SLC25A21: variants seen among roughly 807,000 people sequenced by gnomAD.
SLC25A21 encodes solute carrier family 25 member 21.
In SLC25A21, 47 loss-of-function variants were observed where a neutral mutation model predicts 43.8. The observed-to-expected ratio is 1.07, with a 90% CI of 0.85 to 1.37. The LOEUF (loss-of-function observed/expected upper bound fraction) is 1.37. SLC25A21 is among the 40% of genes most tolerant of loss of function. The pLI is 0.00. For missense variants in SLC25A21, 352 were observed against 350.2 expected (o/e 1.00, Z -0.04); for synonymous variants, 131 against 121.3 (o/e 1.08, Z -0.52).
At chr14:36,936,839 T>C (rs1428467090) in intron 1 of SLC25A21, among the ~76,000 whole-genome samples, 1 of 152,172 alleles carries the variant, frequency 6.6e-6, no homozygotes, top group African/African-American at 2.4e-5. Context: ...TTGATATTCA[T>C]TGAGAAACAT....
At chr14:36,685,005 T>G in intron 7 of SLC25A21, 80 bp from the exon 8 acceptor site, 4 of 1,151,372 alleles carry the variant, frequency 3.5e-6, no homozygotes, top group Non-Finnish European at 4.9e-6. Flanking sequence ...GCAATATGTA[T>G]TTAAGCAGAG....
intron 2 of SLC25A21, among the ~76,000 whole-genome samples, chr14:36,819,893 C>T (rs950378074): frequency 6.6e-6 from 1 of 152,142 alleles, no homozygotes; most frequent in Non-Finnish European, 1.5e-5. Context: ...TTGCACCAAC[C>T]TAATATAACT....
At chr14:36,724,682 A>T (rs1884518571) in intron 6 of SLC25A21, among the ~76,000 whole-genome samples, 1 of 152,204 alleles carries the variant, frequency 6.6e-6, no homozygotes, top group South Asian at 2.1e-4. Context: ...AGCACACACC[A>T]AGGAATGCTG....
intron 1 of SLC25A21, among the ~76,000 whole-genome samples, chr14:36,994,412 T>C (rs1267953516): frequency 6.6e-6 from 1 of 152,198 alleles, no homozygotes; most frequent in Non-Finnish European, 1.5e-5. Context: ...CCTTAGGAAT[T>C]TGGAAGTTTT....
At chr14:36,759,152 C>T (rs556520445) in intron 3 of SLC25A21, among the ~76,000 whole-genome samples, 5 of 152,206 alleles carry the variant, frequency 3.3e-5, no homozygotes, top group African/African-American at 1.2e-4. Flanking sequence ...TTTTTTAAAA[C>T]CCTGCAAAGA....
At chr14:36,805,964 C>T (rs998838495) in intron 3 of SLC25A21, among the ~76,000 whole-genome samples, 1 of 151,998 alleles carries the variant, frequency 6.6e-6, no homozygotes, top group African/African-American at 2.4e-5. Flanking sequence ...CCTGTAATCC[C>T]AGCACTTTGG....
At chr14:36,766,377 G>A (rs1209728134) in intron 3 of SLC25A21, among the ~76,000 whole-genome samples, 1 of 152,148 alleles carries the variant, frequency 6.6e-6, no homozygotes, top group African/African-American at 2.4e-5. Flanking sequence ...ATCACAGAAA[G>A]GTGGAAAAAC....
intron 3 of SLC25A21, among the ~76,000 whole-genome samples, chr14:36,785,344 T>C (rs1421019094): frequency 2.0e-5 from 3 of 152,202 alleles, no homozygotes; most frequent in Admixed American, 6.5e-5. Flanking sequence ...ACAAAAAGCA[T>C]GTTTGATGAA....
At chr14:37,146,535 C>T (rs192827063) in intron 1 of SLC25A21, among the ~76,000 whole-genome samples, 66 of 152,280 alleles carry the variant, frequency 4.3e-4, no homozygotes, top group Middle Eastern at 6.8e-3. Flanking sequence ...GCCTGAGCCA[C>T]CACACTCAGC....
chr14:36,870,772 G>T lies in SLC25A21; in HGVS notation c.119+4184C>A, dbSNP rs929346397. 5 of 152,404 alleles carry T rather than the reference G, an allele frequency of 3.3e-5. No individual in the cohort carries two copies. The South Asian group carries it at 1.0e-3, about 32-fold the overall frequency. The allele number at this position is 152,404 out of a possible 1,614,324, so 9.4% of individuals were successfully genotyped here. A position where few individuals can be genotyped will look rare whatever the true frequency, so the allele number is the denominator to read the frequency against. On this transcript the variant is annotated intron_variant, in intron 2 of 9. Coordinates refer to ENST00000331299, the MANE Select transcript of SLC25A21 (RefSeq NM_030631.4). The stretch of plus-strand genomic sequence containing the variant: ...AATCAGCTAAAAGTCAAAGGTCCTT[G>T]CCTCTGGAATGGGAACCGGTGGGTG...
At chr14:36,792,456 C>T (rs1484857118) in intron 3 of SLC25A21, among the ~76,000 whole-genome samples, 2 of 152,052 alleles carry the variant, frequency 1.3e-5, no homozygotes, top group African/African-American at 4.8e-5. Context: ...AACTGAAAAC[C>T]CACAGTCAAG....
At chr14:36,746,060 T>C (rs1312935884) in intron 3 of SLC25A21, among the ~76,000 whole-genome samples, 1 of 152,014 alleles carries the variant, frequency 6.6e-6, no homozygotes, top group Non-Finnish European at 1.5e-5. Context: ...TTCACAGAAC[T>C]AAAAATAGAA....
At chr14:36,801,689 T>C (rs896397635) in intron 3 of SLC25A21, among the ~76,000 whole-genome samples, 2 of 152,334 alleles carry the variant, frequency 1.3e-5, no homozygotes, top group Admixed American at 6.5e-5. Flanking sequence ...CTCTATAATA[T>C]TGTCTTTCAA....
At chr14:36,906,310 A>C (rs909687183) in intron 1 of SLC25A21, among the ~76,000 whole-genome samples, 2 of 152,142 alleles carry the variant, frequency 1.3e-5, no homozygotes, top group Non-Finnish European at 2.9e-5. Context: ...CATGTAAGAA[A>C]ATAAAATTTC....
At chr14:37,163,798 A>C (rs534652876) in intron 1 of SLC25A21, among the ~76,000 whole-genome samples, 4 of 152,316 alleles carry the variant, frequency 2.6e-5, no homozygotes, top group Non-Finnish European at 5.9e-5. Flanking sequence ...ACACTTTAAA[A>C]TGTATAAATC....
chr14:36,886,424 T>C (rs1314182841), intron 1 of SLC25A21, among the ~76,000 whole-genome samples: 1 of 152,230 alleles, frequency 6.6e-6, no homozygotes, highest in Non-Finnish European at 1.5e-5. Flanking sequence ...AAGTTTACCA[T>C]GTGCGTATAT....
intron 1 of SLC25A21, among the ~76,000 whole-genome samples, chr14:36,884,225 G>A (rs975350428): frequency 4.6e-5 from 7 of 152,176 alleles, no homozygotes; most frequent in African/African-American, 1.4e-4. Context: ...ATGTAAGTGC[G>A]ATCATGCAGT....
intron 2 of SLC25A21, among the ~76,000 whole-genome samples, chr14:36,868,350 C>T (rs1890271340): frequency 6.6e-6 from 1 of 152,110 alleles, no homozygotes; most frequent in Non-Finnish European, 1.5e-5. Flanking sequence ...GGGAGGTTCT[C>T]AAAGGAGACC....
At chr14:36,735,853 T>C (rs1885013137) in intron 3 of SLC25A21, among the ~76,000 whole-genome samples, 2 of 150,848 alleles carry the variant, frequency 1.3e-5, no homozygotes, top group South Asian at 2.1e-4. Flanking sequence ...GACACAAATA[T>C]TTGTTAAGCT....
Sources: allele counts gnomAD v4.1 joint callset (sites outside exome capture counted in the v4.1 genomes callset), GRCh38; gene constraint gnomAD v4.1.1; transcripts MANE v1.5; gene names NCBI Gene and HGNC (gene_info 2026-07-23, HGNC 2026-07-21).